The following SLC7A2 variants were observed in gnomAD, a reference collection of about 807,000 sequenced individuals.
SLC7A2 encodes solute carrier family 7 member 2.
In SLC7A2, 48 loss-of-function variants were observed where a neutral mutation model predicts 58.9. The ratio of observed to expected loss-of-function variants is 0.82; its 90% CI spans 0.65 to 1.04. The LOEUF is 1.04. SLC7A2 is among the 50% of genes least tolerant of loss of function. The probability of loss-of-function intolerance (pLI) is 0.00; values close to 1 mark genes in which losing one functional copy is unlikely to be tolerated. For synonymous variants in SLC7A2, 363 were observed against 314.5 expected (o/e 1.15, Z -1.63); for missense variants, 1,029 against 818.8 (o/e 1.26, Z -3.13).
chr8:17,507,152 G>C (rs933581815), intron 2 of SLC7A2, among the ~76,000 whole-genome samples: 3 of 151,860 alleles, frequency 2.0e-5, no homozygotes, highest in Non-Finnish European at 4.4e-5. Context: ...TTACTATGTT[G>C]GCCAGGATGG....
At chr8:17,507,158 G>C (rs968849638) in intron 2 of SLC7A2, among the ~76,000 whole-genome samples, 4 of 151,994 alleles carry the variant, frequency 2.6e-5, no homozygotes, top group Non-Finnish European at 4.4e-5. Context: ...TGTTGGCCAG[G>C]ATGGTCTTGA....
At chr8:17,538,395 C>A (rs552511627) in intron 2 of SLC7A2, among the ~76,000 whole-genome samples, 1 of 152,276 alleles carries the variant, frequency 6.6e-6, no homozygotes, top group African/African-American at 2.4e-5. Flanking sequence ...GAAGAGTGTT[C>A]TGTGTTTTTC....
At chr8:17,508,713 C>CA (rs563674210) in intron 2 of SLC7A2, among the ~76,000 whole-genome samples, 34 of 150,260 alleles carry the variant, frequency 2.3e-4, no homozygotes, top group Admixed American at 9.9e-4. Context: ...GACTCTGTCT[C>CA]AAAAAAAATA....
At chr8:17,550,477 G>C (rs1802396648) in intron 6 of SLC7A2, 43 bp downstream of exon 6, 1 of 1,585,878 alleles carries the variant, frequency 6.3e-7, no homozygotes, top group African/African-American at 1.3e-5. Context: ...AGTGTTCCTT[G>C]TTGTGCACGA....
At chr8:17,558,746 G>A (rs1244277071) in intron 9 of SLC7A2, among the ~76,000 whole-genome samples, 1 of 152,138 alleles carries the variant, frequency 6.6e-6, no homozygotes, top group Non-Finnish European at 1.5e-5. Flanking sequence ...TGTAAAGGAT[G>A]TTTCTGGAAA....
chr8:17,496,708 A>C (rs1799966134), upstream of SLC7A2, among the ~76,000 whole-genome samples: 1 of 152,190 alleles, frequency 6.6e-6, no homozygotes. Flanking sequence ...CTTATTTCCA[A>C]AATCTTTGTA....
chr8:17,494,980 A>C (rs1799921060), upstream of SLC7A2, among the ~76,000 whole-genome samples: 1 of 152,236 alleles, frequency 6.6e-6, no homozygotes, highest in South Asian at 2.1e-4. Flanking sequence ...TTCTGACAAA[A>C]TTGGCAGTTT....
chr8:17,529,790 G>A (rs1801367919), intron 2 of SLC7A2, among the ~76,000 whole-genome samples: 2 of 152,108 alleles, frequency 1.3e-5, no homozygotes, highest in South Asian at 4.2e-4. Flanking sequence ...GCCCACCTTG[G>A]CCTACCAACA....
chr8:17,548,879 G>A (rs1045004703), intron 5 of SLC7A2, 36 bp downstream of exon 5: 21 of 1,548,710 alleles, frequency 1.4e-5, no homozygotes, highest in East Asian at 4.5e-5. Flanking sequence ...TCTCCTTCTT[G>A]TTTAAGAAAA....
chr8:17,502,411 A>T (rs929067914), intron 2 of SLC7A2, 109 bp downstream of exon 2: 1 of 152,216 alleles, frequency 6.6e-6, no homozygotes, highest in Non-Finnish European at 1.5e-5. Context: ...TAGAGAGGGA[A>T]GAGTTCTTCT....
At chr8:17,548,913 C>A in intron 5 of SLC7A2, 70 bp downstream of exon 5, 1 of 1,253,032 alleles carries the variant, frequency 8.0e-7, no homozygotes, top group Non-Finnish European at 1.1e-6. Flanking sequence ...TGTATTAGTT[C>A]ATTTTTACTC....
chr8:17,564,261 G>C (rs1368637962), intron 12 of SLC7A2, among the ~76,000 whole-genome samples: 4 of 152,158 alleles, frequency 2.6e-5, no homozygotes. Flanking sequence ...TATAATTTGA[G>C]ACTTTATTCC....
intron 2 of SLC7A2, chr8:17,520,849 C>A: frequency 3.6e-6 from 1 of 276,190 alleles, no homozygotes; most frequent in Non-Finnish European, 5.5e-6. Context: ...TGATTTGTGA[C>A]CACACAATAC....
chr8:17,562,148 T>C (rs866581878), intron 11 of SLC7A2, 38 bp downstream of exon 11: 1 of 1,473,052 alleles, frequency 6.8e-7, no homozygotes, highest in Non-Finnish European at 9.3e-7. Context: ...AAATACTGTA[T>C]TCATTTTCTC....
intron 2 of SLC7A2, among the ~76,000 whole-genome samples, chr8:17,520,959 G>T (rs2720587): frequency 0.76 from 115,934 of 152,046 alleles, 44,672 homozygotes; most frequent in South Asian, 0.87. Context: ...TACATGTTAC[G>T]GAAATGACCT....
intron 2 of SLC7A2, among the ~76,000 whole-genome samples, chr8:17,534,074 T>A (rs1015301211): frequency 7.9e-5 from 12 of 152,186 alleles, no homozygotes; most frequent in African/African-American, 2.9e-4. Context: ...TTCATCCATG[T>A]CCCTGCAAAG....
chr8:17,557,853 C>CTATGA (rs10658349), intron 8 of SLC7A2, among the ~76,000 whole-genome samples: 86,284 of 151,358 alleles, frequency 0.57, 26,084 homozygotes, highest in African/African-American at 0.78. Flanking sequence ...ATTGAGTTGT[C>CTATGA]TATAACTCAG....
chr8:17,513,710 A>G (rs916460426), intron 2 of SLC7A2, among the ~76,000 whole-genome samples: 26 of 152,350 alleles, frequency 1.7e-4, no homozygotes, highest in African/African-American at 5.8e-4. Flanking sequence ...ATCAAATGAT[A>G]GTGAAGCTAG....
intron 2 of SLC7A2, among the ~76,000 whole-genome samples, chr8:17,527,293 A>C (rs1801258923): frequency 6.6e-6 from 1 of 152,236 alleles, no homozygotes; most frequent in Admixed American, 6.5e-5. Flanking sequence ...TGAGGGTTTT[A>C]GCCGACTACA....
Sources: gnomAD v4.1 joint callset for allele counts (sites outside exome capture counted in the v4.1 genomes callset) on GRCh38, gnomAD v4.1.1 for gene constraint, MANE v1.5 for transcripts, NCBI Gene and HGNC (gene_info 2026-07-23, HGNC 2026-07-21) for gene names.